The following TMEM132C variants were observed in gnomAD, a reference collection of about 807,000 sequenced individuals.
The protein encoded by TMEM132C is transmembrane protein 132C.
TMEM132C carries 29 observed loss-of-function variants against 61.4 expected under a neutral mutation model. That is an observed-to-expected ratio of 0.47 (90% confidence interval 0.35 to 0.64). TMEM132C has a LOEUF of 0.64. Ranked by LOEUF, TMEM132C falls within the 30% of genes least tolerant of loss-of-function variation. The pLI is 0.00. For missense variants in TMEM132C, 1,408 were observed against 1,476.9 expected, an observed-to-expected ratio of 0.95 and a Z score of 0.76; for synonymous variants, 656 against 633.1, an observed-to-expected ratio of 1.04 and a Z score of -0.54.
intron 1 of TMEM132C, among the ~76,000 whole-genome samples, chr12:128,304,060 C>A (rs1196115829): frequency 6.6e-6 from 1 of 152,042 alleles, no homozygotes; most frequent in Admixed American, 6.6e-5. Flanking sequence ...ATTGTTTTAA[C>A]CCAACCAAGT....
chr12:128,513,199 T>C (rs1872620212), intron 2 of TMEM132C, among the ~76,000 whole-genome samples: 2 of 151,938 alleles, frequency 1.3e-5, no homozygotes, highest in African/African-American at 2.4e-5. Context: ...AGCCACCTGC[T>C]CACAGGGGAA....
intron 1 of TMEM132C, among the ~76,000 whole-genome samples, chr12:128,291,619 A>G (rs1303203486): frequency 1.3e-5 from 2 of 152,234 alleles, no homozygotes; most frequent in Non-Finnish European, 1.5e-5. Flanking sequence ...CCCGTAACTC[A>G]GGGATATGCC....
chr12:128,651,431 T>C (rs1954269227), intron 4 of TMEM132C, among the ~76,000 whole-genome samples: 1 of 152,222 alleles, frequency 6.6e-6, no homozygotes. Context: ...GCCTTCGTCT[T>C]AAAGCGCCGT....
intron 3 of TMEM132C, among the ~76,000 whole-genome samples, chr12:128,607,723 C>T (rs765980454): frequency 2.8e-4 from 43 of 152,166 alleles, no homozygotes; most frequent in Non-Finnish European, 1.6e-4. Flanking sequence ...GTAAGAGCTA[C>T]CATTTGTGGA....
intron 1 of TMEM132C, among the ~76,000 whole-genome samples, chr12:128,375,204 G>T (rs1874156845): frequency 6.6e-6 from 1 of 151,636 alleles, no homozygotes. Flanking sequence ...GGCTGTCCTG[G>T]TTGAAAAGCA....
At chr12:128,592,054 A>T (rs1421445091) in intron 3 of TMEM132C, among the ~76,000 whole-genome samples, 1 of 104,198 alleles carries the variant, frequency 9.6e-6, no homozygotes, top group Non-Finnish European at 2.0e-5. Context: ...TCAAAAAAAA[A>T]AAAAGAAAAA....
intron 4 of TMEM132C, among the ~76,000 whole-genome samples, chr12:128,654,450 T>C (rs558066500): frequency 6.6e-6 from 1 of 152,286 alleles, no homozygotes; most frequent in South Asian, 2.1e-4. Flanking sequence ...AGAGAATAAA[T>C]TTCAGTCGTT....
At chr12:128,587,501 A>G (rs1400232626) in intron 3 of TMEM132C, among the ~76,000 whole-genome samples, 1 of 152,224 alleles carries the variant, frequency 6.6e-6, no homozygotes, top group Non-Finnish European at 1.5e-5. Context: ...GGGGGCTTAG[A>G]TTTCAGCATC....
chr12:128,352,040 A>G (rs1593021313), intron 1 of TMEM132C, among the ~76,000 whole-genome samples: 1 of 152,166 alleles, frequency 6.6e-6, no homozygotes, highest in African/African-American at 2.4e-5. Flanking sequence ...TGTCTTACTC[A>G]GGGAAGTGTC....
At chr12:128,675,103 T>C (rs1218850129) in intron 5 of TMEM132C, among the ~76,000 whole-genome samples, 1 of 152,196 alleles carries the variant, frequency 6.6e-6, no homozygotes, top group Non-Finnish European at 1.5e-5. Flanking sequence ...ATTCTTTCCT[T>C]CTTTGTTTTC....
chr12:128,706,462 AT>A lies in TMEM132C; in HGVS notation c.*172del. The A allele has an allele frequency of 1.1e-6, 1 of 910,234 alleles. No individual in the cohort carries two copies. The highest frequency in any genetic ancestry group is 1.5e-6 in the Non-Finnish European group (1 of 649,610). The allele number at this position is 910,234 out of a possible 1,614,324, so 56.4% of individuals were successfully genotyped here. Reference sequence around the variant, plus strand: ...GGAAAAGACGTTTTTGTATCAAGGGATTTTTAGCAGTTAATGGTGGTGGATT... The same window carrying A: ...GGAAAAGACGTTTTTGTATCAAGGGATTTTAGCAGTTAATGGTGGTGGATT... On this transcript the variant is annotated 3_prime_UTR_variant, in exon 9 of 9. Coordinates refer to ENST00000435159, the MANE Select transcript of TMEM132C (RefSeq NM_001136103.3).
In TMEM132C at chr12:128,669,410, T is replaced by C; in HGVS notation, c.1306-7T>C. 1 of 1,551,560 alleles carries C rather than the reference T, an allele frequency of 6.4e-7. No homozygotes were observed. Among genetic ancestry groups the C allele is most frequent in the South Asian group, 1.2e-5 (1 of 84,014 alleles). On this transcript the variant is annotated splice_polypyrimidine_tract_variant and splice_region_variant and intron_variant, in intron 4 of 8. Coordinates refer to ENST00000435159, the MANE Select transcript of TMEM132C (RefSeq NM_001136103.3). ...CTTGACCCAGTGTGTTTGATTCTTT[T>C]TGGCAGGACACTGAAATTCTGAACA...
chr12:128,698,084 G>A (rs1307826854), intron 8 of TMEM132C, among the ~76,000 whole-genome samples: 2 of 152,122 alleles, frequency 1.3e-5, no homozygotes, highest in Non-Finnish European at 2.9e-5. Flanking sequence ...TACAAGAGAA[G>A]CCCCCTGTTC....
intron 3 of TMEM132C, among the ~76,000 whole-genome samples, chr12:128,587,013 G>A (rs1225955272): frequency 2.6e-5 from 4 of 152,234 alleles, no homozygotes; most frequent in African/African-American, 7.2e-5. Flanking sequence ...TCACAGATAC[G>A]TTGGGCCATA....
chr12:128,586,144 G>T (rs1336217520), intron 3 of TMEM132C, among the ~76,000 whole-genome samples: 3 of 152,046 alleles, frequency 2.0e-5, no homozygotes, highest in Non-Finnish European at 4.4e-5. Context: ...ACAGTGGGAG[G>T]GGATTTGAGG....
intron 1 of TMEM132C, among the ~76,000 whole-genome samples, chr12:128,343,936 G>A (rs1873062760): frequency 6.6e-6 from 1 of 152,100 alleles, no homozygotes; most frequent in South Asian, 2.1e-4. Context: ...ATTTCATTTA[G>A]CGTGAGGTTT....
rs562526112 is a variant in TMEM132C at position 128,581,487 on chromosome 12, G to T, written c.1122-34665G>T. Reference sequence around the variant, plus strand: ...TTCGCAGTATTTCACAGCTCACTTTGACTTTCCTTTGAAAAGGATGGATTC... The same window carrying T: ...TTCGCAGTATTTCACAGCTCACTTTTACTTTCCTTTGAAAAGGATGGATTC... On this transcript the variant is annotated intron_variant, in intron 3 of 8. Transcript: ENST00000435159. 8.5e-5 allele frequency among the ~76,000 whole-genome samples: 13 copies of T among 152,254 alleles called. No homozygotes were observed. In the East Asian group the frequency reaches 2.3e-3, roughly 27 times the overall value.
chr12:128,412,140 G>A (rs1227133957), intron 1 of TMEM132C, among the ~76,000 whole-genome samples: 2 of 152,064 alleles, frequency 1.3e-5, no homozygotes, highest in African/African-American at 4.8e-5. Context: ...CTGCAATGTG[G>A]TTTTGATATT....
intron 2 of TMEM132C, among the ~76,000 whole-genome samples, chr12:128,470,529 C>T (rs1870913674): frequency 6.6e-6 from 1 of 152,088 alleles, no homozygotes; most frequent in African/African-American, 2.4e-5. Context: ...GCAGGACAGG[C>T]CAGTGGAGGA....
Sources: gnomAD v4.1 joint callset for allele counts (sites outside exome capture counted in the v4.1 genomes callset) on GRCh38, gnomAD v4.1.1 for gene constraint, MANE v1.5 for transcripts, NCBI Gene and HGNC (gene_info 2026-07-23, HGNC 2026-07-21) for gene names.